ALDH1A2: variants seen among roughly 807,000 people sequenced by gnomAD.
ALDH1A2 encodes retinal dehydrogenase 2.
ALDH1A2 carries 27 observed loss-of-function variants against 60.3 expected under a neutral mutation model. The observed-to-expected ratio is 0.45, with a 90% CI of 0.33 to 0.62. The LOEUF (loss-of-function observed/expected upper bound fraction) is 0.62. Among genes scored for constraint, ALDH1A2 ranks in the 20% least tolerant of loss-of-function variants. The probability of loss-of-function intolerance (pLI) is 0.02; values close to 1 mark genes in which losing one functional copy is unlikely to be tolerated. For missense variants in ALDH1A2, 581 were observed against 643.8 expected (o/e 0.90, Z 1.06); for synonymous variants, 289 against 232.4 (o/e 1.24, Z -2.21).
intron 7 of ALDH1A2, chr15:57,980,573 T>G (rs1349734333): frequency 3.6e-6 from 1 of 275,200 alleles, no homozygotes; most frequent in Non-Finnish European, 7.7e-6. Context: ...GGGGTCATAT[T>G]TGGGCAGGAG....
chr15:57,956,252 C>T (rs1893522841), intron 12 of ALDH1A2, among the ~76,000 whole-genome samples: 1 of 152,194 alleles, frequency 6.6e-6, no homozygotes, highest in Non-Finnish European at 1.5e-5. Flanking sequence ...GCTTCCTATT[C>T]CCTCTTCCCA....
At chr15:57,957,805 G>T (rs566118652) in intron 12 of ALDH1A2, among the ~76,000 whole-genome samples, 2 of 152,114 alleles carry the variant, frequency 1.3e-5, no homozygotes, top group Admixed American at 6.5e-5. Flanking sequence ...TTCTGTTTAG[G>T]GTATATATTT....
At chr15:58,011,666 C>T (rs1322561856) in intron 3 of ALDH1A2, among the ~76,000 whole-genome samples, 2 of 152,114 alleles carry the variant, frequency 1.3e-5, no homozygotes, top group African/African-American at 2.4e-5. Context: ...ATTCTCCAAT[C>T]AATGAGATGA....
chr15:58,043,268 T>C (rs1896561617), intron 1 of ALDH1A2, among the ~76,000 whole-genome samples: 1 of 151,998 alleles, frequency 6.6e-6, no homozygotes, highest in African/African-American at 2.4e-5. Flanking sequence ...TGAATACTTT[T>C]CAATACGGCA....
chr15:58,051,494 A>T (rs1169835121), intron 1 of ALDH1A2, among the ~76,000 whole-genome samples: 1 of 152,124 alleles, frequency 6.6e-6, no homozygotes, highest in Non-Finnish European at 1.5e-5. Context: ...TCTTGCTAGG[A>T]CTACATTTTG....
intron 4 of ALDH1A2, among the ~76,000 whole-genome samples, chr15:57,998,057 TAA>T (rs1895125251): frequency 6.6e-6 from 1 of 151,876 alleles, no homozygotes; most frequent in African/African-American, 2.4e-5. Context: ...TCAAAATAAT[TAA>T]GAGTCATTTA....
intron 4 of ALDH1A2, among the ~76,000 whole-genome samples, chr15:57,997,510 C>T (rs1416526084): frequency 6.6e-6 from 1 of 151,708 alleles, no homozygotes; most frequent in East Asian, 1.9e-4. Flanking sequence ...GAAGAGTACA[C>T]GTGTTTATTT....
intron 4 of ALDH1A2, among the ~76,000 whole-genome samples, chr15:58,009,947 T>C (rs1278407767): frequency 3.3e-5 from 5 of 152,128 alleles, no homozygotes; most frequent in Non-Finnish European, 2.9e-5. Flanking sequence ...TTAGTTGCTT[T>C]AGTCTTCCAT....
At chr15:58,007,466 C>A (rs1158802561) in intron 4 of ALDH1A2, among the ~76,000 whole-genome samples, 3 of 151,972 alleles carry the variant, frequency 2.0e-5, no homozygotes, top group Non-Finnish European at 4.4e-5. Flanking sequence ...TTAGGCAGAA[C>A]AACACTTAAG....
intron 10 of ALDH1A2, 40 bp downstream of exon 10, chr15:57,961,972 A>AAGAAAGATGTGGCTTTTGT (rs766598902): frequency 8.1e-6 from 13 of 1,610,268 alleles, no homozygotes; most frequent in Non-Finnish European, 9.3e-6. Flanking sequence ...AAATGATCCC[A>AAGAAAGATGTGGCTTTTGT]AGAAAGATGT....
chr15:58,007,499 T>TA (rs1246228287), intron 4 of ALDH1A2, among the ~76,000 whole-genome samples: 1 of 152,024 alleles, frequency 6.6e-6, no homozygotes, highest in Non-Finnish European at 1.5e-5. Flanking sequence ...GTCTCCCACT[T>TA]ACTAGCCATG....
chr15:58,036,243 T>C (rs1296658361), intron 1 of ALDH1A2, among the ~76,000 whole-genome samples: 2 of 151,552 alleles, frequency 1.3e-5, no homozygotes, highest in African/African-American at 4.8e-5. Context: ...GATCAATATA[T>C]AATCAATACA....
At chr15:58,048,537 G>A (rs1285836904) in intron 1 of ALDH1A2, among the ~76,000 whole-genome samples, 4 of 152,062 alleles carry the variant, frequency 2.6e-5, no homozygotes, top group Admixed American at 2.6e-4. Context: ...GAGAAGGGAA[G>A]TATGGATGGG....
intron 7 of ALDH1A2, among the ~76,000 whole-genome samples, chr15:57,974,041 A>AGAT (rs1894157481): frequency 6.6e-6 from 1 of 152,212 alleles, no homozygotes; most frequent in African/African-American, 2.4e-5. Context: ...TTATTTGTGA[A>AGAT]GATAAAAAAA....
At chr15:58,005,352 GT>G (rs1400858528) in intron 4 of ALDH1A2, among the ~76,000 whole-genome samples, 1 of 151,032 alleles carries the variant, frequency 6.6e-6, no homozygotes. Flanking sequence ...TTCGCTACTT[GT>G]TTTTCTTACT....
intron 12 of ALDH1A2, among the ~76,000 whole-genome samples, chr15:57,957,722 T>TCAGTCAGTATTGGTAGC: frequency 6.6e-6 from 1 of 152,186 alleles, no homozygotes; most frequent in Non-Finnish European, 1.5e-5. Context: ...AGGTAACCTG[T>TCAGTCAGTATTGGTAGC]CAGTCAGTAT....
At chr15:57,956,272 C>T (rs565171663) in intron 12 of ALDH1A2, among the ~76,000 whole-genome samples, 1 of 152,330 alleles carries the variant, frequency 6.6e-6, no homozygotes, top group South Asian at 2.1e-4. Flanking sequence ...AAGTTCTACC[C>T]TGTTGTCATA....
intron 4 of ALDH1A2, among the ~76,000 whole-genome samples, chr15:58,010,098 G>A (rs549699775): frequency 2.6e-5 from 4 of 152,218 alleles, no homozygotes; most frequent in Admixed American, 2.6e-4. Context: ...ATAATAAAAA[G>A]GGGTTAGGAT....
intron 1 of ALDH1A2, among the ~76,000 whole-genome samples, chr15:58,047,363 G>C (rs34274535): frequency 2.5e-4 from 38 of 151,958 alleles, no homozygotes; most frequent in Admixed American, 2.0e-3. Flanking sequence ...GAGAGTACCA[G>C]ACAGCAAATC....
Sources: allele counts gnomAD v4.1 joint callset (sites outside exome capture counted in the v4.1 genomes callset), GRCh38; gene constraint gnomAD v4.1.1; transcripts MANE v1.5; gene names NCBI Gene and HGNC (gene_info 2026-07-23, HGNC 2026-07-21).